The following MYOZ2 variants were observed in gnomAD, a reference collection of about 807,000 sequenced individuals.
MYOZ2 encodes the protein myozenin-2.
A neutral mutation model predicts 25.4 loss-of-function variants in MYOZ2; 19 were observed. The observed-to-expected ratio is 0.75, with a 90% CI of 0.52 to 1.10. MYOZ2 has a LOEUF of 1.10. Among genes scored for constraint, MYOZ2 ranks in the 50% least tolerant of loss-of-function variants. The pLI is 0.00. For synonymous variants in MYOZ2, 92 were observed against 106.9 expected (o/e 0.86, Z 0.86); for missense variants, 270 against 317.9 (o/e 0.85, Z 1.15).
intron 2 of MYOZ2, among the ~76,000 whole-genome samples, chr4:119,149,761 C>T (rs1273638118): frequency 6.6e-6 from 1 of 152,102 alleles, no homozygotes; most frequent in Non-Finnish European, 1.5e-5. Flanking sequence ...TTCATCTTCC[C>T]AGAAGCAAAA....
rs75305592 is a variant in MYOZ2 at position 119,186,581 on chromosome 4, C to A, written c.*381C>A. ...AAAATACAGGGAGAGATATGAAGAC[C>A]TATTCAGAGTTTCATCTGGGGATGA... On this transcript the variant is annotated 3_prime_UTR_variant, in exon 6 of 6. Coordinates refer to ENST00000307128, the MANE Select transcript of MYOZ2 (RefSeq NM_016599.5). 8,455 of 216,610 alleles carry A rather than the reference C, an allele frequency of 0.039. 201 individuals carry two copies. Among genetic ancestry groups the A allele is most frequent in the South Asian group, 0.068 (977 of 14,372 alleles). 13.4% of individuals were successfully genotyped at this position (216,610 alleles called of 1,614,324 possible).
chr4:119,173,889 C>T (rs944128429), intron 5 of MYOZ2, among the ~76,000 whole-genome samples: 5 of 152,224 alleles, frequency 3.3e-5, no homozygotes, highest in Admixed American at 1.3e-4. Flanking sequence ...AGCAGCCAGC[C>T]AGCCCTGCCG....
intron 2 of MYOZ2, among the ~76,000 whole-genome samples, chr4:119,138,991 TA>T (rs1741100319): frequency 6.6e-6 from 1 of 152,144 alleles, no homozygotes; most frequent in South Asian, 2.1e-4. Flanking sequence ...AAAGAATTAT[TA>T]AAAAATTCTC....
At chr4:119,148,296 A>G (rs1741354576) in intron 2 of MYOZ2, among the ~76,000 whole-genome samples, 1 of 152,130 alleles carries the variant, frequency 6.6e-6, no homozygotes, top group Non-Finnish European at 1.5e-5. Context: ...TTTAGTTTTC[A>G]GAAGCTTAAT....
rs193186153 is a variant in MYOZ2 at position 119,186,283 on chromosome 4, A to G, written c.*83A>G. 6,884 of 1,084,486 alleles carry G rather than the reference A, an allele frequency of 6.3e-3. 119 individuals are homozygous for G. Among genetic ancestry groups the G allele is most frequent in the Middle Eastern group, 5.2e-3 (26 of 4,974 alleles). 67.2% of individuals were successfully genotyped at this position (1,084,486 alleles called of 1,614,324 possible). A position where few individuals can be genotyped will look rare whatever the true frequency, so the allele number is the denominator to read the frequency against. On this transcript the variant is annotated 3_prime_UTR_variant, in exon 6 of 6. Coordinates refer to ENST00000307128, the MANE Select transcript of MYOZ2 (RefSeq NM_016599.5). ...TTTAACTACTGGCAAAGCCACTTGCATTTTTCATTAGTAGCAACAATAGCA... is the reference window on the plus strand; with the variant it reads ...TTTAACTACTGGCAAAGCCACTTGCGTTTTTCATTAGTAGCAACAATAGCA...
intron 5 of MYOZ2, among the ~76,000 whole-genome samples, chr4:119,165,118 T>C (rs1741793965): frequency 6.7e-6 from 1 of 150,304 alleles, no homozygotes; most frequent in Non-Finnish European, 1.5e-5. Context: ...ACTCAATTTA[T>C]AGGCAGCTTA....
Position 119,150,900 on chromosome 4 carries a change from G to C in MYOZ2, c.105G>C (p.Lys35Asn). ...NDVDGMDLGK[K>N]VSIPRDIMLE... ...TTGATGGCATGGACCTGGGCAAAAA[G>C]GTCAGCATCCCCAGAGACATCATGT... Residue 35 changes from lysine to asparagine, a missense_variant, in exon 3 of 6, where the codon AAG (lysine) becomes AAC (asparagine). Physicochemically the swap from Lys to Asn is moderately conservative, Grantham distance 94. Transcript: ENST00000307128. 1 of 1,613,866 alleles carries C rather than the reference G, an allele frequency of 6.2e-7. No individual in the cohort carries two copies. Among genetic ancestry groups the C allele is most frequent in the Non-Finnish European group, 8.5e-7 (1 of 1,179,880 alleles).
chr4:119,164,253 A>G lies in MYOZ2; in HGVS notation c.419A>G (p.Asn140Ser), dbSNP rs745351307. The G allele has an allele frequency of 6.2e-7, 1 of 1,614,052 alleles. No homozygotes were observed. The highest frequency in any genetic ancestry group is 8.5e-7 in the Non-Finnish European group (1 of 1,179,948). ...AAGGAAATTCCTCCTGAAAAATTCAACACCACAGCTGTCCCTAAGTACTAT... is the reference window on the plus strand; with the variant it reads ...AAGGAAATTCCTCCTGAAAAATTCAGCACCACAGCTGTCCCTAAGTACTAT... The part of the protein sequence containing the change: ...PLKEIPPEKF[N>S]TTAVPKYYQS... Residue 140 changes from asparagine to serine, a missense_variant, in exon 5 of 6, where the codon AAC becomes AGC. By Grantham distance (46) the Asn-to-Ser change is conservative (BLOSUM62 1). Transcript: ENST00000307128.
intron 5 of MYOZ2, among the ~76,000 whole-genome samples, chr4:119,176,777 A>G (rs546241048): frequency 6.6e-6 from 1 of 152,376 alleles, no homozygotes; most frequent in African/African-American, 2.4e-5. Flanking sequence ...AGGCATAGTA[A>G]TGATGGAAAC....
Position 119,175,146 on chromosome 4 carries a change from G to A in MYOZ2, c.560+10752G>A, listed in dbSNP as rs577323553. Among the ~76,000 whole-genome samples the A allele has an allele frequency of 1.2e-4, 18 of 151,692 alleles. No individual in the cohort carries two copies. The South Asian group carries it at 3.8e-3, about 32-fold the overall frequency. ...TGAGACCAAGAACCCACCAATTCCC[G>A]ACACAGTAGGAGATGGGAGGTGGAT... is the stretch of plus-strand genomic sequence containing the variant. On this transcript the variant is annotated intron_variant, in intron 5 of 5. Transcript: ENST00000307128.
intron 4 of MYOZ2, among the ~76,000 whole-genome samples, chr4:119,162,307 G>A (rs962658771): frequency 9.2e-5 from 14 of 152,178 alleles, no homozygotes; most frequent in African/African-American, 3.1e-4. Context: ...ACGGGCTTAA[G>A]GGCCACATGG....
intron 2 of MYOZ2, among the ~76,000 whole-genome samples, chr4:119,147,021 C>A (rs542643543): frequency 9.9e-5 from 15 of 152,058 alleles, no homozygotes; most frequent in Non-Finnish European, 1.9e-4. Context: ...ATATTAATAT[C>A]AGGTAATATT....
At chr4:119,137,478 G>A (rs1741056313) in intron 2 of MYOZ2, among the ~76,000 whole-genome samples, 1 of 152,092 alleles carries the variant, frequency 6.6e-6, no homozygotes, top group South Asian at 2.1e-4. Context: ...GACAAGGAAT[G>A]CAGCCTTTCA....
At chr4:119,173,144 A>G (rs1741981335) in intron 5 of MYOZ2, among the ~76,000 whole-genome samples, 1 of 152,232 alleles carries the variant, frequency 6.6e-6, no homozygotes, top group African/African-American at 2.4e-5. Context: ...TATATCCAGT[A>G]CTATTAGTTT....
intron 5 of MYOZ2, among the ~76,000 whole-genome samples, chr4:119,169,747 C>T (rs1741909764): frequency 6.6e-6 from 1 of 152,160 alleles, no homozygotes; most frequent in South Asian, 2.1e-4. Flanking sequence ...GTAAATATTC[C>T]ATACTTTCAG....
At chr4:119,166,420 C>T (rs917696047) in intron 5 of MYOZ2, among the ~76,000 whole-genome samples, 8 of 151,678 alleles carry the variant, frequency 5.3e-5, no homozygotes, top group South Asian at 2.1e-4. Context: ...GCGAGAGGGT[C>T]GCTTGAGCCC....
At chr4:119,154,018 G>A (rs1266482587) in intron 3 of MYOZ2, among the ~76,000 whole-genome samples, 4 of 152,018 alleles carry the variant, frequency 2.6e-5, no homozygotes, top group Non-Finnish European at 4.4e-5. Flanking sequence ...TACTGCAAAA[G>A]GATATTATAT....
rs530331815 is a variant in MYOZ2, at chr4:119,173,914, G to A, written c.560+9520G>A. Among the ~76,000 whole-genome samples, 595 of 152,338 alleles carry A rather than the reference G, an allele frequency of 3.9e-3. 7 individuals carry two copies. Among genetic ancestry groups the A allele is most frequent in the African/African-American group, 0.014 (572 of 41,584 alleles). Reference sequence around the variant, plus strand: ...CAGCCCTGCCGGCCCGGGGCAATGAGGGACTTAGCACTCGGGCCAGCGGCG... The same window carrying A: ...CAGCCCTGCCGGCCCGGGGCAATGAAGGACTTAGCACTCGGGCCAGCGGCG... On this transcript the variant is annotated intron_variant, in intron 5 of 5. Transcript: ENST00000307128.
chr4:119,141,095 A>G (rs957597663), intron 2 of MYOZ2, among the ~76,000 whole-genome samples: 4 of 152,218 alleles, frequency 2.6e-5, no homozygotes, highest in African/African-American at 9.6e-5. Flanking sequence ...TTTATGGACT[A>G]TTATTCAATT....
Sources: allele counts gnomAD v4.1 joint callset (sites outside exome capture counted in the v4.1 genomes callset), GRCh38; gene constraint gnomAD v4.1.1; transcripts MANE v1.5; gene names NCBI Gene and HGNC (gene_info 2026-07-23, HGNC 2026-07-21).